The following MYCBP2 variants were observed in gnomAD, a reference collection of about 807,000 sequenced individuals.
MYCBP2 encodes the protein E3 ubiquitin-protein ligase MYCBP2.
Under a neutral mutation model 525.3 loss-of-function variants are expected in MYCBP2, and 120 were observed. That is an observed-to-expected ratio of 0.23 (90% CI 0.20 to 0.27). MYCBP2 has a LOEUF of 0.27. Among genes scored for constraint, MYCBP2 ranks in the 10% least tolerant of loss-of-function variants. The probability of loss-of-function intolerance (pLI) is 1.00; values close to 1 mark genes in which losing one functional copy is unlikely to be tolerated. For synonymous variants in MYCBP2, 1,894 were observed against 1,955.8 expected (o/e 0.97, Z 0.83); for missense variants, 4,149 against 5,657.1 (o/e 0.73, Z 8.55).
intron 1 of MYCBP2, among the ~76,000 whole-genome samples, chr13:77,319,696 G>A (rs925241253): frequency 6.6e-6 from 1 of 152,076 alleles, no homozygotes; most frequent in African/African-American, 2.4e-5. Flanking sequence ...CCTTCAACAG[G>A]AATAGCATTC....
intron 55 of MYCBP2, among the ~76,000 whole-genome samples, chr13:77,112,372 A>T (rs1452591951): frequency 6.8e-6 from 1 of 146,422 alleles, no homozygotes; most frequent in Non-Finnish European, 1.5e-5. Context: ...TATTTATATA[A>T]TATATAATAT....
intron 1 of MYCBP2, among the ~76,000 whole-genome samples, chr13:77,311,972 C>CA (rs1244191917): frequency 3.3e-5 from 5 of 151,868 alleles, no homozygotes; most frequent in Non-Finnish European, 4.4e-5. Context: ...AAACCAAAAA[C>CA]AAAGAAAAAA....
chr13:77,046,356 C>G (rs2035562032), intron 82 of MYCBP2, among the ~76,000 whole-genome samples: 2 of 152,246 alleles, frequency 1.3e-5, no homozygotes, highest in South Asian at 2.1e-4. Flanking sequence ...CATTAGTTTT[C>G]TACAGCTAGT....
intron 55 of MYCBP2, among the ~76,000 whole-genome samples, chr13:77,113,939 C>T (rs1304853660): frequency 6.6e-6 from 1 of 152,114 alleles, no homozygotes; most frequent in Non-Finnish European, 1.5e-5. Flanking sequence ...TGACTCTAAT[C>T]TTCTAAAACA....
At chr13:77,264,182 A>C (rs2073749034) in intron 8 of MYCBP2, among the ~76,000 whole-genome samples, 180 bp from the exon 9 acceptor site, 1 of 152,094 alleles carries the variant, frequency 6.6e-6, no homozygotes, top group African/African-American at 2.4e-5. Context: ...AATCATACTT[A>C]TTACATTTTT....
At chr13:77,157,416 A>G (rs9600824) in intron 45 of MYCBP2, among the ~76,000 whole-genome samples, 14,219 of 152,040 alleles carry the variant, frequency 0.094, 1,247 homozygotes, top group African/African-American at 0.23. Context: ...TAGACACAGG[A>G]TTTCACCATG....
intron 14 of MYCBP2, among the ~76,000 whole-genome samples, chr13:77,255,142 C>T (rs1323289140): frequency 2.0e-5 from 3 of 151,882 alleles, no homozygotes; most frequent in Non-Finnish European, 2.9e-5. Context: ...GATCATGTGG[C>T]AGCTCCATTT....
At chr13:77,065,205 T>C (rs930100958) in intron 72 of MYCBP2, among the ~76,000 whole-genome samples, 1 of 152,234 alleles carries the variant, frequency 6.6e-6, no homozygotes, top group African/African-American at 2.4e-5. Context: ...TATCATATAA[T>C]TTAGGTGTTC....
intron 33 of MYCBP2, among the ~76,000 whole-genome samples, chr13:77,180,775 C>T (rs1191622733): frequency 6.6e-6 from 1 of 151,984 alleles, no homozygotes; most frequent in African/African-American, 2.4e-5. Context: ...AAAAAGTTAG[C>T]TGGGTGTGGT....
rs374910231 is a variant in MYCBP2, at chr13:77,191,629, C to T, written c.4070+50G>A. On this transcript the variant is annotated intron_variant, in intron 28 of 82. Transcript: ENST00000544440. ...TACTCTGAATTTTCAAAACAATATTCCTCTAACAAAAATAAGTATTGCTTA... is the reference window on the plus strand; with the variant it reads ...TACTCTGAATTTTCAAAACAATATTTCTCTAACAAAAATAAGTATTGCTTA... 9.9e-5 allele frequency: 157 copies of T among 1,587,318 alleles called. No homozygotes were observed. The Middle Eastern group carries it at 1.3e-3, about 13-fold the overall frequency.
intron 21 of MYCBP2, among the ~76,000 whole-genome samples, chr13:77,214,442 C>T (rs1286776743): frequency 6.8e-6 from 1 of 147,636 alleles, no homozygotes; most frequent in African/African-American, 2.7e-5. Flanking sequence ...TGGGGTATTA[C>T]ATGGAGGTAA....
intron 17 of MYCBP2, among the ~76,000 whole-genome samples, chr13:77,234,969 A>C (rs1213984254): frequency 6.6e-6 from 1 of 152,082 alleles, no homozygotes; most frequent in East Asian, 1.9e-4. Flanking sequence ...CTTTTGATTT[A>C]TAAATCAAGA....
intron 1 of MYCBP2, among the ~76,000 whole-genome samples, chr13:77,308,572 T>G (rs574973794): frequency 1.1e-4 from 17 of 152,330 alleles, no homozygotes; most frequent in Admixed American, 2.0e-4. Flanking sequence ...ATTTAGTAAG[T>G]GCTAAACACA....
At chr13:77,088,203 T>C (rs1445710240) in intron 61 of MYCBP2, among the ~76,000 whole-genome samples, 1 of 152,158 alleles carries the variant, frequency 6.6e-6, no homozygotes, top group Non-Finnish European at 1.5e-5. Context: ...ACCAAAATAT[T>C]TTTTCAAATC....
chr13:77,276,329 C>T (rs1053577266), intron 4 of MYCBP2, among the ~76,000 whole-genome samples: 1 of 150,422 alleles, frequency 6.6e-6, no homozygotes, highest in Non-Finnish European at 1.5e-5. Context: ...ATGAATAACA[C>T]GAAAACAACC....
Position 77,156,051 on chromosome 13 carries a change from T to A in MYCBP2, c.6915+7A>T, listed in dbSNP as rs770553997. 1 of 1,610,364 alleles carries A rather than the reference T, an allele frequency of 6.2e-7. No individual in the cohort carries two copies. On this transcript the variant is annotated splice_region_variant and intron_variant, in intron 46 of 82. Coordinates refer to ENST00000544440, the MANE Select transcript of MYCBP2 (RefSeq NM_015057.5). ...GATGTCTGCTAATTTAATCCAGTTA[T>A]AATTACCTTCATATTGGGAACATGT... is the stretch of plus-strand genomic sequence containing the variant.
rs71102724 is a variant in MYCBP2, at chr13:77,176,630, T to TA, written c.5341-3dup. 57,214 of 986,316 alleles carry TA rather than the reference T, an allele frequency of 0.058. No homozygotes were observed. Among genetic ancestry groups the TA allele is most frequent in the East Asian group, 0.065 (1,889 of 29,108 alleles). The allele number at this position is 986,316 out of a possible 1,614,324, so 61.1% of individuals were successfully genotyped here. ...AGTTGAATCTCCTGCATGTTCACTC[T>TA]AAAAAAAAAAAATGAAACACAAAAA... On this transcript the variant is annotated splice_region_variant and splice_polypyrimidine_tract_variant and intron_variant, in intron 35 of 82. Transcript: ENST00000544440.
At chr13:77,243,579 C>T (rs2069271713) in intron 16 of MYCBP2, among the ~76,000 whole-genome samples, 3 of 150,396 alleles carry the variant, frequency 2.0e-5, no homozygotes, top group Non-Finnish European at 4.4e-5. Context: ...AGCTACTGTA[C>T]TCCAGCCTTG....
chr13:77,122,718 TC>T (rs1314807388), intron 54 of MYCBP2, among the ~76,000 whole-genome samples: 2 of 148,750 alleles, frequency 1.3e-5, no homozygotes, highest in Non-Finnish European at 3.0e-5. Flanking sequence ...AAGTCAATAG[TC>T]CTTTAAACAG....
Sources: gnomAD v4.1 joint callset for allele counts (sites outside exome capture counted in the v4.1 genomes callset) on GRCh38, gnomAD v4.1.1 for gene constraint, MANE v1.5 for transcripts, NCBI Gene and HGNC (gene_info 2026-07-23, HGNC 2026-07-21) for gene names.